RAD52: variants seen among roughly 807,000 people sequenced by gnomAD.
RAD52 encodes the protein RAD52 DNA repair protein.
In RAD52, 47 loss-of-function variants were observed where a neutral mutation model predicts 55.5. The ratio of observed to expected loss-of-function variants is 0.85; its 90% CI spans 0.67 to 1.08. RAD52 has a LOEUF of 1.08. Ranked by LOEUF, RAD52 falls within the 50% of genes least tolerant of loss-of-function variation. The pLI, the probability that RAD52 is intolerant of heterozygous loss-of-function variation, is 0.00. For synonymous variants in RAD52, 184 were observed against 198.9 expected, an observed-to-expected ratio of 0.92 and a Z score of 0.63; for missense variants, 468 against 522.8, an observed-to-expected ratio of 0.90 and a Z score of 1.02.
intron 1 of RAD52, chr12:975,509 AG>A (rs1364532835): frequency 1.3e-5 from 2 of 152,226 alleles, no homozygotes; most frequent in African/African-American, 2.4e-5. Context: ...CAAATAAAAC[AG>A]GTAATAAAGG....
chr12:927,882 C>G (rs1280353213), intron 5 of RAD52, among the ~76,000 whole-genome samples: 1 of 151,816 alleles, frequency 6.6e-6, no homozygotes, highest in African/African-American at 2.4e-5. Flanking sequence ...AAAAAAACCT[C>G]TGGGATATGA....
chr12:981,318 G>A (rs952759986), intron 1 of RAD52, among the ~76,000 whole-genome samples: 2 of 151,190 alleles, frequency 1.3e-5, no homozygotes, highest in Non-Finnish European at 3.0e-5. Context: ...GGGTGACAGA[G>A]TGCAACCCTA....
chr12:969,370 AC>A (rs1358218792), intron 1 of RAD52, among the ~76,000 whole-genome samples: 1 of 152,048 alleles, frequency 6.6e-6, no homozygotes, highest in Non-Finnish European at 1.5e-5. Flanking sequence ...TTTAGATGAG[AC>A]TTTGGTGGGG....
At chr12:916,613 G>C in intron 8 of RAD52, 26 bp downstream of exon 8, 1 of 1,605,374 alleles carries the variant, frequency 6.2e-7, no homozygotes, top group Non-Finnish European at 8.5e-7. Flanking sequence ...GGCCGCAGAG[G>C]AAAGGAGGGG....
At chr12:932,284 C>T (rs11571404) in intron 2 of RAD52, among the ~76,000 whole-genome samples, 23,265 of 152,154 alleles carry the variant, frequency 0.15, 2,172 homozygotes, top group Admixed American at 0.21. Context: ...CACCTGAGGT[C>T]AGGAGTTCGA....
chr12:958,318 C>A (rs1958637965), intron 1 of RAD52, among the ~76,000 whole-genome samples: 1 of 152,162 alleles, frequency 6.6e-6, no homozygotes, highest in Non-Finnish European at 1.5e-5. Context: ...TGGGTTCAAG[C>A]CATTCTCCTG....
chr12:937,153 T>C (rs1957680104), intron 1 of RAD52, among the ~76,000 whole-genome samples: 1 of 152,222 alleles, frequency 6.6e-6, no homozygotes, highest in East Asian at 1.9e-4. Flanking sequence ...TGCCCTGGAA[T>C]GCAGTTATGT....
intron 1 of RAD52, among the ~76,000 whole-genome samples, chr12:955,266 T>A (rs1228006662): frequency 1.3e-5 from 2 of 152,246 alleles, no homozygotes; most frequent in African/African-American, 4.8e-5. Flanking sequence ...AAAGCATAAG[T>A]AAGAATGCAA....
intron 1 of RAD52, chr12:975,728 A>T (rs1958926935): frequency 6.6e-6 from 1 of 152,036 alleles, no homozygotes; most frequent in Non-Finnish European, 1.5e-5. Context: ...CTATCTTTCC[A>T]CTCATTCCAT....
chr12:924,267 A>C (rs1445546587), intron 7 of RAD52, among the ~76,000 whole-genome samples: 1 of 150,938 alleles, frequency 6.6e-6, no homozygotes, highest in Non-Finnish European at 1.5e-5. Context: ...AAAATTAGCC[A>C]GGCGTGGTGG....
chr12:951,322 A>G (rs576132891), upstream of RAD52, among the ~76,000 whole-genome samples: 3 of 152,234 alleles, frequency 2.0e-5, no homozygotes, highest in Admixed American at 1.3e-4. Flanking sequence ...TATGTTGTCC[A>G]GGCTTTTCAC....
chr12:957,466 C>CAA (rs71055109), intron 1 of RAD52, among the ~76,000 whole-genome samples: 1,373 of 43,408 alleles, frequency 0.032, 48 homozygotes, highest in African/African-American at 0.048. Context: ...AACTTCGTCT[C>CAA]AAAAAAAAAA....
At chr12:947,133 C>T (rs546003451) in intron 1 of RAD52, among the ~76,000 whole-genome samples, 5 of 152,010 alleles carry the variant, frequency 3.3e-5, no homozygotes, top group Admixed American at 1.3e-4. Context: ...TCGAGACCAG[C>T]GTAACCAACA....
intron 5 of RAD52, among the ~76,000 whole-genome samples, chr12:928,543 T>C (rs796871419): frequency 1.3e-5 from 2 of 152,090 alleles, no homozygotes; most frequent in African/African-American, 2.4e-5. Flanking sequence ...GTAAGTAATA[T>C]TCAGTTATGG....
intron 5 of RAD52, among the ~76,000 whole-genome samples, chr12:928,457 C>T (rs917762723): frequency 2.6e-4 from 39 of 151,428 alleles, no homozygotes; most frequent in African/African-American, 6.5e-4. Context: ...GTGGAGGTTG[C>T]GGTGAGCTGA....
chr12:942,715 T>A (rs1056196458), intron 1 of RAD52, among the ~76,000 whole-genome samples: 3 of 149,038 alleles, frequency 2.0e-5, no homozygotes, highest in Non-Finnish European at 3.0e-5. Flanking sequence ...ATCACCGCAC[T>A]CCAGCCTGGA....
chr12:913,571 C>T (rs759467261), intron 11 of RAD52, 119 bp from the exon 12 acceptor site: 50 of 882,294 alleles, frequency 5.7e-5, no homozygotes, highest in Non-Finnish European at 8.2e-5. Flanking sequence ...ATGAGAATTA[C>T]TGTTAGGAGG....
In RAD52 at chr12:912,546, G is replaced by C; in HGVS notation, c.*845C>G. On this transcript the variant is annotated 3_prime_UTR_variant, in exon 12 of 12. Transcript: ENST00000358495. ...ATATATATTCTATTTTGTTAATAAGGTATACGATTTGCTTTCTCAAAAATG... is the reference window on the plus strand; with the variant it reads ...ATATATATTCTATTTTGTTAATAAGCTATACGATTTGCTTTCTCAAAAATG... 1 of 182,224 alleles carries C rather than the reference G, an allele frequency of 5.5e-6. No homozygotes were observed. Among genetic ancestry groups the C allele is most frequent in the Non-Finnish European group, 1.2e-5 (1 of 85,810 alleles). The allele number at this position is 182,224 out of a possible 1,614,324, so 11.3% of individuals were successfully genotyped here.
At chr12:967,197 G>A (rs1958781849) in intron 1 of RAD52, among the ~76,000 whole-genome samples, 1 of 151,832 alleles carries the variant, frequency 6.6e-6, no homozygotes, top group South Asian at 2.1e-4. Flanking sequence ...TGGCCAACAT[G>A]GTGAAACCCC....
Sources: gnomAD v4.1 joint callset for allele counts (sites outside exome capture counted in the v4.1 genomes callset) on GRCh38, gnomAD v4.1.1 for gene constraint, MANE v1.5 for transcripts, NCBI Gene and HGNC (gene_info 2026-07-23, HGNC 2026-07-21) for gene names.